URI1: variants seen among roughly 807,000 people sequenced by gnomAD.
URI1 encodes unconventional prefoldin RPB5 interactor 1.
Under a neutral mutation model 60.2 loss-of-function variants are expected in URI1, and 39 were observed. That is an observed-to-expected ratio of 0.65 (90% CI 0.50 to 0.85). The LOEUF (loss-of-function observed/expected upper bound fraction) is 0.85, where lower values mean the gene tolerates loss of function less well. Among genes scored for constraint, URI1 ranks in the 40% least tolerant of loss-of-function variants. The pLI is 0.00. For missense variants in URI1, 691 were observed against 665.9 expected, an observed-to-expected ratio of 1.04 and a Z score of -0.42; for synonymous variants, 251 against 236.8, an observed-to-expected ratio of 1.06 and a Z score of -0.55.
intron 1 of URI1, among the ~76,000 whole-genome samples, chr19:29,950,578 C>T (rs1305257461): frequency 6.6e-6 from 1 of 151,920 alleles, no homozygotes; most frequent in South Asian, 2.1e-4. Flanking sequence ...TTCCCTTTTC[C>T]CCCTGCAGAA....
Position 30,012,536 on chromosome 19 carries a change from G to A in URI1, c.1425+5G>A, listed in dbSNP as rs755440314. 5.0e-6 allele frequency: 8 copies of A among 1,611,790 alleles called. No individual in the cohort carries two copies. Among genetic ancestry groups the A allele is most frequent in the Non-Finnish European group, 6.8e-6 (8 of 1,179,062 alleles). On this transcript the variant is annotated splice_donor_5th_base_variant and intron_variant, in intron 10 of 10. Transcript: ENST00000392271. ...CCCTTATCAGTAACACCTGAGGTGTGTGTGTGTATCTTTTAATTCTTTATT... is the reference window on the plus strand; with the variant it reads ...CCCTTATCAGTAACACCTGAGGTGTATGTGTGTATCTTTTAATTCTTTATT...
intron 1 of URI1, among the ~76,000 whole-genome samples, chr19:29,950,347 GT>G (rs1473551974): frequency 6.6e-6 from 1 of 152,134 alleles, no homozygotes; most frequent in African/African-American, 2.4e-5. Flanking sequence ...ATCATTTTTA[GT>G]TTAAGAACCT....
intron 1 of URI1, among the ~76,000 whole-genome samples, chr19:29,964,855 G>GTT (rs1184124643): frequency 2.3e-4 from 32 of 136,748 alleles, no homozygotes; most frequent in African/African-American, 3.5e-4. Context: ...ATATTTTCCT[G>GTT]TTTTTTTTTT....
intron 2 of URI1, among the ~76,000 whole-genome samples, chr19:29,973,649 A>G (rs1337054654): frequency 6.6e-6 from 1 of 152,146 alleles, no homozygotes; most frequent in Non-Finnish European, 1.5e-5. Flanking sequence ...GGGAGTAAAA[A>G]TATTTATAGA....
chr19:30,003,124 C>CT (rs1425256785), intron 4 of URI1, among the ~76,000 whole-genome samples: 2 of 151,996 alleles, frequency 1.3e-5, no homozygotes, highest in African/African-American at 4.8e-5. Context: ...GCTTTTTTAA[C>CT]TGTTGTTCTT....
chr19:30,006,685 G>A (rs1046608262), intron 6 of URI1, among the ~76,000 whole-genome samples: 5 of 152,014 alleles, frequency 3.3e-5, no homozygotes, highest in East Asian at 1.9e-4. Flanking sequence ...TGATGGACTC[G>A]AGGTCATCTG....
At chr19:29,936,768 T>A (rs573384283) in intron 1 of URI1, among the ~76,000 whole-genome samples, 23 of 152,202 alleles carry the variant, frequency 1.5e-4, no homozygotes, top group African/African-American at 5.5e-4. Flanking sequence ...TTTTCTTTTT[T>A]TTGAGATAGA....
intron 2 of URI1, 103 bp from the exon 3 acceptor site, chr19:29,985,120 A>G (rs1599702234): frequency 5.0e-4 from 1 of 1,996 alleles, no homozygotes; most frequent in East Asian, 6.8e-3. Context: ...ACTCTGTCTC[A>G]AAAAAAAAAA....
intron 4 of URI1, chr19:30,004,448 T>C (rs1466513032): frequency 6.6e-6 from 1 of 152,074 alleles, no homozygotes; most frequent in African/African-American, 2.4e-5. Context: ...CATTCATCAT[T>C]GGTAGAGAAA....
At chr19:30,014,269 A>G (rs1418150648) in intron 10 of URI1, 1 of 152,148 alleles carries the variant, frequency 6.6e-6, no homozygotes, top group Non-Finnish European at 1.5e-5. Context: ...GATTTCTGTC[A>G]TTGAGTTAAT....
At chr19:29,929,442 C>A (rs188108995) in intron 1 of URI1, among the ~76,000 whole-genome samples, 15 of 150,714 alleles carry the variant, frequency 1.0e-4, no homozygotes, top group Middle Eastern at 6.8e-3. Context: ...ACTAAAAATA[C>A]AAAAATTAGC....
chr19:30,011,633 T>TC (rs1370830259), intron 9 of URI1, among the ~76,000 whole-genome samples: 1 of 151,318 alleles, frequency 6.6e-6, no homozygotes, highest in Non-Finnish European at 1.5e-5. Context: ...TTTTTTTTTT[T>TC]CCTTTTTTTT....
intron 1 of URI1, among the ~76,000 whole-genome samples, chr19:29,961,402 A>G (rs760572747): frequency 4.6e-5 from 7 of 152,132 alleles, no homozygotes; most frequent in Non-Finnish European, 8.8e-5. Context: ...AAGTGGAATC[A>G]TAGAGTATTT....
At chr19:29,923,989 T>C (rs1331221264) in intron 1 of URI1, among the ~76,000 whole-genome samples, 1 of 152,100 alleles carries the variant, frequency 6.6e-6, no homozygotes, top group Non-Finnish European at 1.5e-5. Flanking sequence ...CGGAAGCTGA[T>C]GGTATCATTC....
Position 30,015,810 on chromosome 19 carries a change from C to T in URI1, c.*741C>T, listed in dbSNP as rs2056078942. The stretch of plus-strand genomic sequence containing the variant: ...CAGATCTGGAATTCTTTCAGTTCCT[C>T]AGATACTTCTCCCTTAGTTTTTGCA... On this transcript the variant is annotated 3_prime_UTR_variant, in exon 11 of 11. Transcript: ENST00000392271. 1.4e-5 allele frequency: 6 copies of T among 417,598 alleles called. No homozygotes were observed. Among genetic ancestry groups the T allele is most frequent in the Non-Finnish European group, 4.2e-6 (1 of 237,748 alleles). The allele number at this position is 417,598 out of a possible 1,614,324, so 25.9% of individuals were successfully genotyped here.
intron 1 of URI1, among the ~76,000 whole-genome samples, chr19:29,926,947 C>G (rs1021148820): frequency 6.6e-6 from 1 of 152,180 alleles, no homozygotes; most frequent in Non-Finnish European, 1.5e-5. Flanking sequence ...CTGGCTCTGC[C>G]TGGGAGCTTG....
intron 10 of URI1, among the ~76,000 whole-genome samples, chr19:30,013,213 GTATT>G (rs1205651726): frequency 6.6e-6 from 1 of 152,170 alleles, no homozygotes; most frequent in Non-Finnish European, 1.5e-5. Context: ...AATTTAAAAA[GTATT>G]TAGGAAGATT....
At chr19:29,948,684 C>G (rs2055132103) in intron 1 of URI1, among the ~76,000 whole-genome samples, 1 of 152,200 alleles carries the variant, frequency 6.6e-6, no homozygotes, top group East Asian at 1.9e-4. Flanking sequence ...AACAGCATCC[C>G]AAGGCAGAAG....
chr19:29,948,662 A>G (rs939201209), intron 1 of URI1, among the ~76,000 whole-genome samples: 5 of 152,172 alleles, frequency 3.3e-5, no homozygotes, highest in African/African-American at 1.2e-4. Flanking sequence ...GCTGGGGGTA[A>G]GGTTATAGAT....
Sources: gnomAD v4.1 joint callset for allele counts (sites outside exome capture counted in the v4.1 genomes callset) on GRCh38, gnomAD v4.1.1 for gene constraint, MANE v1.5 for transcripts, NCBI Gene and HGNC (gene_info 2026-07-23, HGNC 2026-07-21) for gene names.